The following KLHL15 variants were observed in gnomAD, a reference collection of about 807,000 sequenced individuals.
KLHL15 encodes the protein kelch-like protein 15.
KLHL15 carries 1 observed loss-of-function variant against 29.3 expected under a neutral mutation model. That is an observed-to-expected ratio of 0.03 (90% CI 0.01 to 0.16). The LOEUF is 0.16. Among genes scored for constraint, KLHL15 ranks in the 10% least tolerant of loss-of-function variants. The pLI, the probability that KLHL15 is intolerant of heterozygous loss-of-function variation, is 1.00. For missense variants in KLHL15, 215 were observed against 478.5 expected (o/e 0.45, Z 5.14); for synonymous variants, 212 against 184.5 (o/e 1.15, Z -1.21).
intron 3 of KLHL15, 43 bp from the exon 4 acceptor site, chrX:23,989,073 C>A: frequency 2.8e-6 from 3 of 1,066,110 alleles, no homozygotes; most frequent in Non-Finnish European, 2.5e-6. Flanking sequence ...GAAAAAGCAT[C>A]AGCTGCAAAC....
chrX:24,001,108 A>C (rs768937490), intron 3 of KLHL15, among the ~76,000 whole-genome samples: 20 of 112,057 alleles, frequency 1.8e-4, no homozygotes, highest in African/African-American at 5.8e-4. Flanking sequence ...ATCATGAGCC[A>C]GTTTATAAAA....
Position 24,006,187 on chromosome X carries a change from A to C in KLHL15, c.507T>G (p.Pro169=). 1 of 1,211,869 alleles carries C rather than the reference A, an allele frequency of 8.3e-7. No individual in the cohort carries two copies. Among genetic ancestry groups the C allele is most frequent in the Admixed American group, 2.2e-5 (1 of 46,019 alleles). The change falls in exon 3 of 4, where the codon CCT becomes CCG. Residue 169 remains proline (P), a synonymous_variant. Coordinates refer to ENST00000328046, the MANE Select transcript of KLHL15 (RefSeq NM_030624.3). ...LDNFVPLMSR[P]DFLSYLSFEK... ...CAAAGCTCAGATAGGACAGAAAGTCAGGCCTAGACATGAGTGGCACAAAGT... is the reference window on the plus strand; with the variant it reads ...CAAAGCTCAGATAGGACAGAAAGTCCGGCCTAGACATGAGTGGCACAAAGT...
intron 3 of KLHL15, among the ~76,000 whole-genome samples, chrX:24,002,127 T>C (rs1260677461): frequency 5.7e-5 from 6 of 105,112 alleles, no homozygotes; most frequent in South Asian, 4.0e-4. Context: ...AGCGAGACTC[T>C]GTCTCAAAAG....
rs1158367893 is a variant in KLHL15 at position 23,988,955 on chromosome X, T to G, written c.781A>C (p.Asn261His). The change falls in exon 4 of 4, where the codon AAT (asparagine) becomes CAT (histidine). Residue 261 changes from asparagine (N) to histidine (H), a missense_variant. Coordinates refer to ENST00000328046, the MANE Select transcript of KLHL15 (RefSeq NM_030624.3). The part of the protein sequence containing the change: ...EVDQALNYFQ[N>H]VHQQPLLDMK... ...TCCAACAAAGGCTGCTGGTGAACATTCTGAAAGTAATTCAATGCTTGGTCA... is the reference window on the plus strand; with the variant it reads ...TCCAACAAAGGCTGCTGGTGAACATGCTGAAAGTAATTCAATGCTTGGTCA... 1.7e-6 allele frequency: 2 copies of G among 1,209,654 alleles called. No individual in the cohort carries two copies. The highest frequency in any genetic ancestry group is 2.2e-6 in the Non-Finnish European group (2 of 895,048).
At chrX:24,015,393 CTT>C (rs1027628791) in intron 2 of KLHL15, among the ~76,000 whole-genome samples, 1 of 112,538 alleles carries the variant, frequency 8.9e-6, no homozygotes, top group African/African-American at 3.2e-5. Context: ...GATCTAAACA[CTT>C]TTAAAACTCA....
chrX:23,990,109 G>T (rs1007218702), intron 3 of KLHL15, among the ~76,000 whole-genome samples: 7 of 110,063 alleles, frequency 6.4e-5, no homozygotes, highest in Admixed American at 5.9e-4. Flanking sequence ...ACCAGCCTGG[G>T]CAAACAAAGC....
intron 3 of KLHL15, among the ~76,000 whole-genome samples, chrX:24,002,486 C>T (rs1443359015): frequency 8.9e-6 from 1 of 112,021 alleles, no homozygotes; most frequent in Non-Finnish European, 1.9e-5. Context: ...AGGACAAGAT[C>T]CTTAAAATTT....
At chrX:23,995,406 C>CAA (rs144296339) in intron 3 of KLHL15, among the ~76,000 whole-genome samples, 3,818 of 34,539 alleles carry the variant, frequency 0.11, 327 homozygotes, top group African/African-American at 0.23. Flanking sequence ...GACTCTGTCT[C>CAA]AAAAAAAAAA....
At chrX:24,007,504 A>AT (rs1555976994) in intron 2 of KLHL15, among the ~76,000 whole-genome samples, 28 of 54,963 alleles carry the variant, frequency 5.1e-4, no homozygotes, top group Non-Finnish European at 5.8e-4. Context: ...AAAAAAAAAA[A>AT]AAAAATATAT....
rs1463137778 is a variant in KLHL15 at position 23,983,931 on chromosome X, G to A, written c.*3990C>T. On this transcript the variant is annotated 3_prime_UTR_variant, in exon 4 of 4. Coordinates refer to ENST00000328046, the MANE Select transcript of KLHL15 (RefSeq NM_030624.3). Reference sequence around the variant, plus strand: ...TCTAAGATTTTTATATCGGCCCTAGGATTATTTGACTACTGGCCCAAAATG... The same window carrying A: ...TCTAAGATTTTTATATCGGCCCTAGAATTATTTGACTACTGGCCCAAAATG... The A allele has an allele frequency of 9.0e-6, 1 of 111,006 alleles. No individual in the cohort carries two copies. The highest frequency in any genetic ancestry group is 3.3e-5 in the African/African-American group (1 of 30,542). The allele number at this position is 111,006 out of a possible 1,213,427, so 9.1% of individuals were successfully genotyped here. A position where few individuals can be genotyped will look rare whatever the true frequency, so the allele number is the denominator to read the frequency against.
At chrX:23,995,315 G>A (rs939666933) in intron 3 of KLHL15, among the ~76,000 whole-genome samples, 1 of 105,393 alleles carries the variant, frequency 9.5e-6, no homozygotes, top group South Asian at 4.5e-4. Context: ...GCTGAGGCAG[G>A]AGAATTGCTT....
At chrX:23,994,835 T>A (rs568160354) in intron 3 of KLHL15, among the ~76,000 whole-genome samples, 10 of 111,729 alleles carry the variant, frequency 9.0e-5, no homozygotes, top group African/African-American at 1.3e-4. Context: ...AAAATTTTTT[T>A]AATTTACTGA....
chrX:23,994,635 G>A (rs1233850318), intron 3 of KLHL15, among the ~76,000 whole-genome samples: 1 of 111,831 alleles, frequency 8.9e-6, no homozygotes, highest in African/African-American at 3.2e-5. Context: ...TGGAAAGAAC[G>A]ACATTTCTTT....
At chrX:24,016,994 G>A (rs971156836) in intron 2 of KLHL15, among the ~76,000 whole-genome samples, 1 of 110,556 alleles carries the variant, frequency 9.0e-6, no homozygotes, top group South Asian at 3.8e-4. Flanking sequence ...CATAGAACTA[G>A]TAGCTAGAAA....
At chrX:24,014,524 A>G (rs1358162512) in intron 2 of KLHL15, among the ~76,000 whole-genome samples, 2 of 107,586 alleles carry the variant, frequency 1.9e-5, no homozygotes, top group East Asian at 5.7e-4. Flanking sequence ...CAAAAAAACA[A>G]AAAAACAAAA....
intron 2 of KLHL15, among the ~76,000 whole-genome samples, chrX:24,016,743 G>A (rs1012635947): frequency 1.8e-5 from 2 of 111,622 alleles, no homozygotes; most frequent in African/African-American, 3.3e-5. Flanking sequence ...GTTAATGGAT[G>A]TAAAGCACTT....
chrX:24,003,338 G>A (rs1388349179), intron 3 of KLHL15, among the ~76,000 whole-genome samples: 2 of 108,339 alleles, frequency 1.8e-5, no homozygotes, highest in Non-Finnish European at 3.8e-5. Context: ...GAGGTCAGGA[G>A]ATCAAGACCA....
Position 23,987,897 on chromosome X carries a change from CTTT to C in KLHL15, c.*21_*23del, listed in dbSNP as rs747838167. ...GTGCAAACAAATACTTTGTTTGCCT[CTTT>C]TTTTAGGGAGGAGGATGTCATTAGT... On this transcript the variant is annotated 3_prime_UTR_variant, in exon 4 of 4. Coordinates refer to ENST00000328046, the MANE Select transcript of KLHL15 (RefSeq NM_030624.3). 4 of 1,161,798 alleles carry C rather than the reference CTTT, an allele frequency of 3.4e-6. No homozygotes were observed. The highest frequency in any genetic ancestry group is 4.6e-6 in the Non-Finnish European group (4 of 869,767).
chrX:24,020,725 T>C (rs748538100), intron 2 of KLHL15, among the ~76,000 whole-genome samples: 193 of 111,935 alleles, frequency 1.7e-3, no homozygotes, highest in Non-Finnish European at 2.3e-3. Flanking sequence ...CCCTAGCCTT[T>C]AGAGATTGGA....
Sources: allele counts gnomAD v4.1 joint callset (sites outside exome capture counted in the v4.1 genomes callset), GRCh38; gene constraint gnomAD v4.1.1; transcripts MANE v1.5; gene names NCBI Gene and HGNC (gene_info 2026-07-23, HGNC 2026-07-21).